Variants in RHOBTB2 observed in about 807,000 individuals in gnomAD.
RHOBTB2 encodes rho-related BTB domain-containing protein 2.
A neutral mutation model predicts 66.5 loss-of-function variants in RHOBTB2; 39 were observed. The ratio of observed to expected loss-of-function variants is 0.59; its 90% CI spans 0.45 to 0.77. The LOEUF (loss-of-function observed/expected upper bound fraction) is 0.77, where lower values mean the gene tolerates loss of function less well. Among genes scored for constraint, RHOBTB2 ranks in the 30% least tolerant of loss-of-function variants. The probability of loss-of-function intolerance (pLI) is 0.00; values close to 1 mark genes in which losing one functional copy is unlikely to be tolerated. For missense variants in RHOBTB2, 755 were observed against 999.1 expected (o/e 0.76, Z 3.29); for synonymous variants, 390 against 395.0 (o/e 0.99, Z 0.15).
At chr8:23,002,025 T>C (rs1308599863) in intron 1 of RHOBTB2, among the ~76,000 whole-genome samples, 1 of 152,226 alleles carries the variant, frequency 6.6e-6, no homozygotes, top group Non-Finnish European at 1.5e-5. Flanking sequence ...CCAGCACTGC[T>C]CTGCTGGTGT....
Position 23,007,020 on chromosome 8 carries a change from C to A in RHOBTB2, c.775C>A (p.Leu259Ile). ...PSSSEECPAHLLEDPLCADVI... is the reference protein window; with the variant it reads ...PSSSEECPAHILEDPLCADVI... ...CAGCAGCGAGGAGTGCCCCGCCCAC[C>A]TCCTGGAGGACCCGCTCTGCGCGGA... The change falls in exon 5 of 10, where the codon CTC (leucine) becomes ATC (isoleucine). Residue 259 changes from leucine (L) to isoleucine (I), a missense_variant. Transcript: ENST00000251822. 1 of 1,608,770 alleles carries A rather than the reference C, an allele frequency of 6.2e-7. No homozygotes were observed.
At chr8:22,967,595 C>A in the RHOBTB2 span, among the ~76,000 whole-genome samples, 1 of 74,242 alleles carries the variant, frequency 1.3e-5, no homozygotes, top group African/African-American at 5.0e-5. Flanking sequence ...AATAGCAAAA[C>A]TCTGTCTAAA....
upstream of RHOBTB2, among the ~76,000 whole-genome samples, chr8:22,983,470 G>A (rs1220276675): frequency 6.7e-6 from 1 of 149,440 alleles, no homozygotes; most frequent in Non-Finnish European, 1.5e-5. Flanking sequence ...GGGCAACAAA[G>A]TGAGACCCAC....
At chr8:22,974,751 G>T in the RHOBTB2 span, among the ~76,000 whole-genome samples, 5 of 152,160 alleles carry the variant, frequency 3.3e-5, no homozygotes, top group Admixed American at 3.3e-4. Context: ...ATGACCAGCA[G>T]GGGGAGAGAA....
At chr8:22,968,277 T>G in the RHOBTB2 span, among the ~76,000 whole-genome samples, 1 of 152,194 alleles carries the variant, frequency 6.6e-6, no homozygotes, top group Non-Finnish European at 1.5e-5. Context: ...GAGTTTTTTC[T>G]TAACAAATTA....
chr8:22,951,961 T>A, the RHOBTB2 span, among the ~76,000 whole-genome samples: 19 of 152,136 alleles, frequency 1.2e-4, no homozygotes, highest in African/African-American at 4.1e-4. Flanking sequence ...CCTCAAGAGA[T>A]CCGCCTGCCT....
chr8:23,013,386 C>G (rs1323363945), intron 7 of RHOBTB2, among the ~76,000 whole-genome samples: 3 of 152,042 alleles, frequency 2.0e-5, no homozygotes, highest in African/African-American at 7.3e-5. Flanking sequence ...GCCTAGTATT[C>G]CTTTTTTTAT....
upstream of RHOBTB2, among the ~76,000 whole-genome samples, chr8:22,982,557 T>C (rs779876645): frequency 6.6e-6 from 1 of 152,068 alleles, no homozygotes; most frequent in Non-Finnish European, 1.5e-5. Flanking sequence ...AGGAGGCAGA[T>C]GTTGCAGTGA....
At chr8:22,977,586 A>AT in the RHOBTB2 span, among the ~76,000 whole-genome samples, 2 of 151,380 alleles carry the variant, frequency 1.3e-5, no homozygotes, top group Non-Finnish European at 2.9e-5. Flanking sequence ...AAAAAAAAAA[A>AT]AGCTGTTGAA....
chr8:23,013,867 A>T (rs1483880045), intron 7 of RHOBTB2, among the ~76,000 whole-genome samples: 1 of 152,198 alleles, frequency 6.6e-6, no homozygotes, highest in African/African-American at 2.4e-5. Context: ...AGTTAATTGC[A>T]GTTATCCTTG....
At chr8:22,982,393 C>T in the RHOBTB2 span, among the ~76,000 whole-genome samples, 8 of 152,044 alleles carry the variant, frequency 5.3e-5, no homozygotes, top group African/African-American at 1.9e-4. Context: ...AGGCCGAGGT[C>T]GGTGGATCAC....
At chr8:22,954,398 T>C in the RHOBTB2 span, among the ~76,000 whole-genome samples, 3 of 152,368 alleles carry the variant, frequency 2.0e-5, no homozygotes, top group African/African-American at 7.2e-5. Flanking sequence ...CTGCTAGTTA[T>C]CTACAATGTA....
At chr8:22,998,516 C>A (rs1810644005), upstream of RHOBTB2, among the ~76,000 whole-genome samples, 1 of 151,982 alleles carries the variant, frequency 6.6e-6, no homozygotes, top group African/African-American at 2.4e-5. Flanking sequence ...GGCAGATCAC[C>A]CGAGGTCAGG....
At chr8:22,958,844 G>A in the RHOBTB2 span, among the ~76,000 whole-genome samples, 2 of 143,242 alleles carry the variant, frequency 1.4e-5, no homozygotes, top group Non-Finnish European at 3.0e-5. Flanking sequence ...AACATCTGAA[G>A]TATGCTCTGA....
Position 23,006,096 on chromosome 8 carries a change from C to A in RHOBTB2, c.433C>A (p.Arg145Ser). 6.2e-7 allele frequency: 1 copy of A among 1,613,916 alleles called. No homozygotes were observed. Among genetic ancestry groups the A allele is most frequent in the Non-Finnish European group, 8.5e-7 (1 of 1,179,960 alleles). ...CTTGGTGGGCTGCCAGTTGGACCTG[C>A]GCTACGCTGACCTGGAGGCTGTCAA... ...VILVGCQLDL[R>S]YADLEAVNRA... The change falls in exon 4 of 10, where the codon CGC becomes AGC. Residue 145 changes from arginine to serine, a missense_variant. Physicochemically the swap from Arg to Ser is moderately radical, Grantham distance 110 (BLOSUM62 -1). Transcript: ENST00000251822. This position sits in a 1 kb window ranked among gnomAD's most constrained non-coding sequence, Gnocchi z 6.1.
chr8:22,971,767 C>G, the RHOBTB2 span, among the ~76,000 whole-genome samples: 2 of 152,174 alleles, frequency 1.3e-5, no homozygotes, highest in Non-Finnish European at 2.9e-5. Flanking sequence ...ATGTGACTTT[C>G]CCTCAGGTTT....
chr8:23,005,808 G>A, intron 3 of RHOBTB2, 152 bp from the exon 4 acceptor site: 2 of 729,152 alleles, frequency 2.7e-6, no homozygotes, highest in South Asian at 1.7e-5. Context: ...ATAAATTGGA[G>A]GTATTGTGAT....
chr8:22,995,807 G>T (rs1316123032), upstream of RHOBTB2: 5 of 1,544,960 alleles, frequency 3.2e-6, no homozygotes, highest in East Asian at 1.2e-4. Context: ...GGGGGGCGGA[G>T]CTCATGTCAC....
At chr8:22,988,551 C>G (rs1171894277) in intron 1 of RHOBTB2, among the ~76,000 whole-genome samples, 1 of 152,170 alleles carries the variant, frequency 6.6e-6, no homozygotes, top group Admixed American at 6.5e-5. Flanking sequence ...ATCCTTCAGG[C>G]AGCAGGATCC....
Sources: allele counts gnomAD v4.1 joint callset (sites outside exome capture counted in the v4.1 genomes callset), GRCh38; gene constraint gnomAD v4.1.1; non-coding constraint Gnocchi (gnomAD v3.1); transcripts MANE v1.5; gene names NCBI Gene and HGNC (gene_info 2026-07-23, HGNC 2026-07-21).